MSRB3: variants seen among roughly 807,000 people sequenced by gnomAD.
The protein encoded by MSRB3 is methionine sulfoxide reductase B3.
In MSRB3, 13 loss-of-function variants were observed where a neutral mutation model predicts 21.0. That is an observed-to-expected ratio of 0.62 (90% confidence interval 0.40 to 0.98). The LOEUF is 0.98. Ranked by LOEUF, MSRB3 falls within the 50% of genes least tolerant of loss-of-function variation. The pLI is 0.00. For missense variants in MSRB3, 199 were observed against 230.3 expected (o/e 0.86, Z 0.88); for synonymous variants, 87 against 88.6 (o/e 0.98, Z 0.10).
At position 65,294,596 on chromosome 12, in the gene MSRB3, G is replaced by A. The variant is rs115520402; in HGVS notation, c.-51-13933G>A. 7.6e-3 allele frequency among the ~76,000 whole-genome samples: 1,157 copies of A among 152,278 alleles called. 17 individuals carry two copies. The highest frequency in any genetic ancestry group is 0.026 in the African/African-American group (1,068 of 41,556). Reference sequence around the variant, plus strand: ...TTTGTCCTTGTGCATGTGTGCACATGCATGTGCGAGCAATTTGTTTTCCTC... The same window carrying A: ...TTTGTCCTTGTGCATGTGTGCACATACATGTGCGAGCAATTTGTTTTCCTC... On this transcript the variant is annotated intron_variant, in intron 1 of 6. Coordinates refer to ENST00000308259, the MANE Select transcript of MSRB3 (RefSeq NM_001031679.3).
rs1881185390 is a variant in MSRB3 at position 65,419,819 on chromosome 12, C to T, written c.293-33909C>T. 1.0e-5 allele frequency: 9 copies of T among 870,094 alleles called. No homozygotes were observed. In the Admixed American group the frequency reaches 1.3e-4, roughly 12 times the overall value. 53.9% of individuals were successfully genotyped at this position (870,094 alleles called of 1,614,324 possible). On this transcript the variant is annotated intron_variant, in intron 5 of 6. Coordinates refer to ENST00000308259, the MANE Select transcript of MSRB3 (RefSeq NM_001031679.3). ...CTCCCATTCCTGCCAGACCCCTAGC[C>T]ATCCCTCCGGCCAGGCCCCTGGACC...
At chr12:65,444,432 A>G (rs1411256220) in intron 5 of MSRB3, among the ~76,000 whole-genome samples, 1 of 152,218 alleles carries the variant, frequency 6.6e-6, no homozygotes, top group East Asian at 1.9e-4. Context: ...CCTTTGGAGC[A>G]TTTGAGTAAT....
At chr12:65,366,337 G>C (rs1454072047) in intron 4 of MSRB3, among the ~76,000 whole-genome samples, 1 of 152,176 alleles carries the variant, frequency 6.6e-6, no homozygotes, top group Non-Finnish European at 1.5e-5. Flanking sequence ...AGTACTACCT[G>C]ACCTGAAGAA....
chr12:65,391,042 A>C (rs1378614007), intron 5 of MSRB3, among the ~76,000 whole-genome samples: 1 of 152,140 alleles, frequency 6.6e-6, no homozygotes, highest in African/African-American at 2.4e-5. Context: ...ATTTTCTTTT[A>C]TGTAGTATTG....
chr12:65,355,576 A>AT (rs1008367496), intron 4 of MSRB3, among the ~76,000 whole-genome samples: 10 of 151,540 alleles, frequency 6.6e-5, no homozygotes, highest in Admixed American at 2.0e-4. Context: ...TCTAGTTGCA[A>AT]TTTTTTTTAT....
chr12:65,311,840 AC>A (rs989947221), intron 2 of MSRB3, among the ~76,000 whole-genome samples: 40 of 152,162 alleles, frequency 2.6e-4, no homozygotes, highest in African/African-American at 8.9e-4. Flanking sequence ...AACTGGATTG[AC>A]CTGCATGAAG....
At chr12:65,385,924 T>A (rs769212752) in intron 5 of MSRB3, among the ~76,000 whole-genome samples, 2 of 151,878 alleles carry the variant, frequency 1.3e-5, no homozygotes, top group South Asian at 2.1e-4. Context: ...ACAAACATAT[T>A]TGACCTTGTA....
At chr12:65,344,443 A>T (rs1352988149) in intron 4 of MSRB3, among the ~76,000 whole-genome samples, 1 of 151,974 alleles carries the variant, frequency 6.6e-6, no homozygotes, top group African/African-American at 2.4e-5. Context: ...ACAATGGATA[A>T]TTGATAGTTT....
chr12:65,305,397 C>T (rs753341554), intron 1 of MSRB3, among the ~76,000 whole-genome samples: 4 of 152,198 alleles, frequency 2.6e-5, no homozygotes, highest in South Asian at 2.1e-4. Flanking sequence ...ATTACATGTT[C>T]GTCATACTAC....
intron 5 of MSRB3, among the ~76,000 whole-genome samples, chr12:65,437,818 T>C (rs534306515): frequency 3.8e-4 from 58 of 152,074 alleles, no homozygotes; most frequent in African/African-American, 1.4e-3. Context: ...CCATTCCTGA[T>C]CAGTTGGATC....
intron 1 of MSRB3, chr12:65,284,930 T>G (rs1872254247): frequency 6.6e-6 from 1 of 152,202 alleles, no homozygotes. Context: ...CAGTGGCTTC[T>G]TATCTTTCTT....
chr12:65,357,877 T>A (rs1238007748), intron 4 of MSRB3, among the ~76,000 whole-genome samples: 1 of 151,966 alleles, frequency 6.6e-6, no homozygotes, highest in Non-Finnish European at 1.5e-5. Context: ...ACTTTTGATA[T>A]TGACCTTGAC....
chr12:65,298,207 T>A (rs1873098974), intron 1 of MSRB3, among the ~76,000 whole-genome samples: 1 of 152,170 alleles, frequency 6.6e-6, no homozygotes, highest in African/African-American at 2.4e-5. Context: ...TTTCACCATG[T>A]TGCCCAGAGT....
At chr12:65,280,406 G>C (rs144789615) in intron 1 of MSRB3, among the ~76,000 whole-genome samples, 269 of 152,270 alleles carry the variant, frequency 1.8e-3, no homozygotes, top group African/African-American at 5.9e-3. Flanking sequence ...GTGAAGAGTG[G>C]ATTTTATTGC....
Position 65,296,526 on chromosome 12 carries a change from G to A in MSRB3, c.-51-12003G>A, listed in dbSNP as rs115755065. 8.1e-3 allele frequency among the ~76,000 whole-genome samples: 1,237 copies of A among 152,294 alleles called. 17 individuals carry two copies. Among genetic ancestry groups the A allele is most frequent in the African/African-American group, 0.029 (1,195 of 41,550 alleles). ...CTATAGAGATCCACAGGAAGCTGAG[G>A]ATCTTAGAGAGTAACTAAATTGCTT... On this transcript the variant is annotated intron_variant, in intron 1 of 6. Coordinates refer to ENST00000308259, the MANE Select transcript of MSRB3 (RefSeq NM_001031679.3).
chr12:65,376,547 C>A (rs1267629018), intron 5 of MSRB3, among the ~76,000 whole-genome samples: 1 of 152,136 alleles, frequency 6.6e-6, no homozygotes, highest in Non-Finnish European at 1.5e-5. Context: ...AAGCAATGCT[C>A]ATAGAAATGA....
chr12:65,458,511 ATTG>A (rs1250554834), intron 6 of MSRB3, among the ~76,000 whole-genome samples: 1 of 152,196 alleles, frequency 6.6e-6, no homozygotes, highest in Admixed American at 6.5e-5. Flanking sequence ...TTCTAAAAGA[ATTG>A]TTGTGTAGGA....
At chr12:65,342,355 A>G (rs1876201886) in intron 4 of MSRB3, among the ~76,000 whole-genome samples, 1 of 151,966 alleles carries the variant, frequency 6.6e-6, no homozygotes, top group African/African-American at 2.4e-5. Flanking sequence ...TTTCAGAATA[A>G]GAAATACATA....
At position 65,439,597 on chromosome 12, in the gene MSRB3, A is replaced by G. The variant is rs183094812; in HGVS notation, c.293-14131A>G. On this transcript the variant is annotated intron_variant, in intron 5 of 6. Transcript: ENST00000308259. ...TAGCCCATATTTTTATAATAATCCA[A>G]TGAAACTAGAGATAAATATCTAACT... Among the ~76,000 whole-genome samples the G allele has an allele frequency of 2.8e-3, 422 of 151,802 alleles. 3 individuals carry two copies. Among genetic ancestry groups the G allele is most frequent in the African/African-American group, 9.5e-3 (394 of 41,514 alleles).
Sources: allele counts gnomAD v4.1 joint callset (sites outside exome capture counted in the v4.1 genomes callset), GRCh38; gene constraint gnomAD v4.1.1; transcripts MANE v1.5; gene names NCBI Gene and HGNC (gene_info 2026-07-23, HGNC 2026-07-21).